The following KRT6C variants were observed in gnomAD, a reference collection of about 807,000 sequenced individuals.
KRT6C encodes the protein keratin, type II cytoskeletal 6C.
A neutral mutation model predicts 49.4 loss-of-function variants in KRT6C; 46 were observed. The observed-to-expected ratio is 0.93, with a 90% confidence interval of 0.74 to 1.19. KRT6C has a LOEUF of 1.19. Among genes scored for constraint, KRT6C ranks in the 50% most tolerant of loss-of-function variants. The pLI is 0.00. For synonymous variants in KRT6C, 236 were observed against 297.1 expected, an observed-to-expected ratio of 0.79 and a Z score of 2.12; for missense variants, 552 against 737.5, an observed-to-expected ratio of 0.75 and a Z score of 2.91.
At chr12:52,470,720 G>A (rs1592177004) in intron 5 of KRT6C, 90 bp from the exon 6 acceptor site, 1 of 1,611,742 alleles carries the variant, frequency 6.2e-7, no homozygotes, top group East Asian at 2.2e-5. Flanking sequence ...ATGTCATGAA[G>A]TGGACCTAAT....
At chr12:52,472,759 T>G (rs61914523) in intron 1 of KRT6C, among the ~76,000 whole-genome samples, 26,021 of 91,742 alleles carry the variant, frequency 0.28, 2,053 homozygotes, top group Middle Eastern at 0.36. Context: ...TTTATCCATG[T>G]TTTACAGTTG....
intron 8 of KRT6C, 38 bp downstream of exon 8, chr12:52,469,373 T>G: frequency 6.2e-7 from 1 of 1,613,624 alleles, no homozygotes; most frequent in Non-Finnish European, 8.5e-7. Flanking sequence ...GTCAGAAGAG[T>G]GCGAGGGCAG....
At chr12:52,469,923 G>C in intron 6 of KRT6C, 33 bp from the exon 7 acceptor site, 2 of 1,612,722 alleles carry the variant, frequency 1.2e-6, no homozygotes, top group Non-Finnish European at 8.5e-7. Flanking sequence ...GGAACTTCTT[G>C]TCTGCTCCTC....
intron 6 of KRT6C, 128 bp downstream of exon 6, chr12:52,470,377 A>G (rs1300045789): frequency 1.3e-6 from 2 of 1,542,916 alleles, no homozygotes; most frequent in East Asian, 4.5e-5. Flanking sequence ...ACTGAGGGCA[A>G]GAACTACACA....
Position 52,469,831 on chromosome 12 carries a change from C to T in KRT6C, c.1263G>A (p.Lys421=). ...DAEQRGEMAL[K]DAKNKLEGLE... is the part of the protein sequence containing the mutation. ...GCCCTTCCAGCTTGTTCTTAGCATC[C>T]TTGAGTGCCATCTCCCCACGCTGCT... Residue 421 remains lysine, a synonymous_variant, in exon 7 of 9, where the codon AAG becomes AAA. Coordinates refer to ENST00000252250, the MANE Select transcript of KRT6C (RefSeq NM_173086.5). 3 of 1,614,096 alleles carry T rather than the reference C, an allele frequency of 1.9e-6. No homozygotes were observed. Among genetic ancestry groups the T allele is most frequent in the East Asian group, 2.2e-5 (1 of 44,852 alleles).
rs1327884528 is a variant in KRT6C at position 52,471,297 on chromosome 12, C to T, written c.913-1G>A. ...TGTGGGTCTGCATCTGGGACAGCTC[C>T]TGCAGAACAGAAGGTCATAAGATCA... On this transcript the variant is annotated splice_acceptor_variant, in intron 4 of 8. Transcript: ENST00000252250. LOFTEE classifies it high-confidence loss of function. 2 of 1,614,192 alleles carry T rather than the reference C, an allele frequency of 1.2e-6. No individual in the cohort carries two copies. The highest frequency in any genetic ancestry group is 1.7e-6 in the Non-Finnish European group (2 of 1,180,024).
chr12:52,470,773 G>C lies in KRT6C; in HGVS notation c.1078-143C>G, dbSNP rs1373239782. On this transcript the variant is annotated intron_variant, in intron 5 of 8. Transcript: ENST00000252250. ...CTTGAGGAAAAGTTGATGTTATGTGGTGGGTGGATACTAAACTCTGGAGTC... is the reference window on the plus strand; with the variant it reads ...CTTGAGGAAAAGTTGATGTTATGTGCTGGGTGGATACTAAACTCTGGAGTC... 9 of 1,545,304 alleles carry C rather than the reference G, an allele frequency of 5.8e-6. No individual in the cohort carries two copies. The African/African-American group carries it at 1.1e-4, about 19-fold the overall frequency.
Position 52,471,241 on chromosome 12 carries a change from T to G in KRT6C, c.968A>C (p.Asp323Ala). ...GTCCAGGTCCAGGTTGCGGTTGTTG[T>G]CCATGGATAGCACCACGGATGTGTC... Reference protein sequence around the residue: ...ISDTSVVLSMDNNRNLDLDSI... With the variant: ...ISDTSVVLSMANNRNLDLDSI... Residue 323 changes from aspartate (D) to alanine (A), a missense_variant, in exon 5 of 9, where the codon GAC (aspartate) becomes GCC (alanine). Coordinates refer to ENST00000252250, the MANE Select transcript of KRT6C (RefSeq NM_173086.5). The G allele has an allele frequency of 6.2e-7, 1 of 1,614,178 alleles. No individual in the cohort carries two copies. The highest frequency in any genetic ancestry group is 8.5e-7 in the Non-Finnish European group (1 of 1,180,030).
chr12:52,470,626 T>C lies in KRT6C; in HGVS notation c.1082A>G (p.Glu361Gly), dbSNP rs1300798410. 1 of 1,613,990 alleles carries C rather than the reference T, an allele frequency of 6.2e-7. No homozygotes were observed. Among genetic ancestry groups the C allele is most frequent in the East Asian group, 2.2e-5 (1 of 44,842 alleles). Reference sequence around the variant, plus strand: ...TCTGCCTGCTGTGACCTGCAGCTCCTCGTACTGCAGCCCAGAGGTGGAGAG... The same window carrying C: ...TCTGCCTGCTGTGACCTGCAGCTCCCCGTACTGCAGCCCAGAGGTGGAGAG... ...EAESWYQTKYEELQVTAGRHG... is the reference protein window; with the variant it reads ...EAESWYQTKYGELQVTAGRHG... The change falls in exon 6 of 9, where the codon GAG becomes GGG. Residue 361 changes from glutamate to glycine, a missense_variant. Glu to Gly is a moderately conservative substitution (Grantham distance 98). Around this residue, in one of 3 missense-constraint regions of KRT6C, gnomAD observed 425 missense variants for 439.4 expected, o/e 0.97. Coordinates refer to ENST00000252250, the MANE Select transcript of KRT6C (RefSeq NM_173086.5).
At position 52,469,555 on chromosome 12, in the gene KRT6C, T is replaced by A. The variant is rs767267536; in HGVS notation, c.1425-110A>T. 870 of 1,612,236 alleles carry A rather than the reference T, an allele frequency of 5.4e-4. 2 individuals are homozygous for A. The highest frequency in any genetic ancestry group is 6.1e-4 in the Non-Finnish European group (723 of 1,178,720). On this transcript the variant is annotated intron_variant, in intron 7 of 8. Coordinates refer to ENST00000252250, the MANE Select transcript of KRT6C (RefSeq NM_173086.5). ...AGTCCATGGGAAACTGCTCTTTTAGTTTTCTCTCAAGAAGAGCAATTACGG... is the reference window on the plus strand; with the variant it reads ...AGTCCATGGGAAACTGCTCTTTTAGATTTCTCTCAAGAAGAGCAATTACGG...
chr12:52,468,637 C>T lies in KRT6C; in HGVS notation c.*425G>A, dbSNP rs531227920. On this transcript the variant is annotated 3_prime_UTR_variant, in exon 9 of 9. Transcript: ENST00000252250. Reference sequence around the variant, plus strand: ...TTGTGCTTCCATGCATACTGCGGGGCGGGGGTTCACAATACTTTTAACTTA... The same window carrying T: ...TTGTGCTTCCATGCATACTGCGGGGTGGGGGTTCACAATACTTTTAACTTA... The T allele has an allele frequency of 7.3e-5, 18 of 246,784 alleles. No individual in the cohort carries two copies. Among genetic ancestry groups the T allele is most frequent in the African/African-American group, 2.2e-4 (10 of 44,822 alleles). The allele number at this position is 246,784 out of a possible 1,614,324, so 15.3% of individuals were successfully genotyped here.
chr12:52,470,996 T>C, intron 5 of KRT6C, 136 bp downstream of exon 5: 1 of 1,463,990 alleles, frequency 6.8e-7, no homozygotes, highest in Admixed American at 1.7e-5. Context: ...AAATGTCTAC[T>C]CTAATAGTGC....
chr12:52,470,353 T>C (rs1355137328), intron 6 of KRT6C, 152 bp downstream of exon 6: 2 of 1,381,556 alleles, frequency 1.4e-6, no homozygotes, highest in Admixed American at 1.8e-5. Context: ...GATTCACTTC[T>C]CTATTGAGTT....
chr12:52,470,072 A>G (rs961074691), intron 6 of KRT6C, 182 bp from the exon 7 acceptor site: 16 of 763,912 alleles, frequency 2.1e-5, no homozygotes, highest in African/African-American at 1.2e-4. Flanking sequence ...ACAAAGTCCT[A>G]TGCCCCTTGT....
chr12:52,471,319 A>T, intron 4 of KRT6C, 23 bp from the exon 5 acceptor site: 1 of 1,614,196 alleles, frequency 6.2e-7, no homozygotes, highest in Non-Finnish European at 8.5e-7. Flanking sequence ...AGGTCATAAG[A>T]TCAACTTCAC....
chr12:52,472,386 C>T lies in KRT6C; in HGVS notation c.541-106G>A, dbSNP rs1346721458. The T allele has an allele frequency of 3.8e-6, 4 of 1,040,684 alleles. 2 individuals carry two copies. Among genetic ancestry groups the T allele is most frequent in the Non-Finnish European group, 5.7e-6 (4 of 700,306 alleles). 64.5% of individuals were successfully genotyped at this position (1,040,684 alleles called of 1,614,324 possible). ...TGGAGGTCCCCATGGTGCTGGGCTACTACAGTGCATGTGGAGAGGCTCAGG... is the reference window on the plus strand; with the variant it reads ...TGGAGGTCCCCATGGTGCTGGGCTATTACAGTGCATGTGGAGAGGCTCAGG... On this transcript the variant is annotated intron_variant, in intron 1 of 8. Transcript: ENST00000252250.
At position 52,470,504 on chromosome 12, in the gene KRT6C, C is replaced by T. The variant is rs1937856946; in HGVS notation, c.1203+1G>A. On this transcript the variant is annotated splice_donor_variant, in intron 6 of 8. Transcript: ENST00000252250. LOFTEE classifies it high-confidence loss of function. Reference sequence around the variant, plus strand: ...CTTTCCTCCACTGCACCTCACTGTACCTGCTTCTTGACATGGTCGATCTCA... The same window carrying T: ...CTTTCCTCCACTGCACCTCACTGTATCTGCTTCTTGACATGGTCGATCTCA... 3 of 1,614,164 alleles carry T rather than the reference C, an allele frequency of 1.9e-6. No individual in the cohort carries two copies. Among genetic ancestry groups the T allele is most frequent in the Non-Finnish European group, 2.5e-6 (3 of 1,180,032 alleles).
rs113853624 is a variant in KRT6C at position 52,472,485 on chromosome 12, T to C, written c.541-205A>G. Reference sequence around the variant, plus strand: ...ACTAGAGAAATTGTCCCATGGACCATTGAGGTGTTCTCACGCTGTAAGCTA... The same window carrying C: ...ACTAGAGAAATTGTCCCATGGACCACTGAGGTGTTCTCACGCTGTAAGCTA... On this transcript the variant is annotated intron_variant, in intron 1 of 8. Transcript: ENST00000252250. Among the ~76,000 whole-genome samples the C allele has an allele frequency of 3.7e-5, 5 of 135,324 alleles. 2 individuals are homozygous for C. Among genetic ancestry groups the C allele is most frequent in the East Asian group, 2.8e-4 (1 of 3,594 alleles). 88.8% of individuals were successfully genotyped at this position (135,324 alleles called of 152,430 possible).
Position 52,473,793 on chromosome 12 carries a change from G to T in KRT6C, c.-56C>A. 6.2e-7 allele frequency: 1 copy of T among 1,613,032 alleles called. No individual in the cohort carries two copies. Among genetic ancestry groups the T allele is most frequent in the Non-Finnish European group, 8.5e-7 (1 of 1,179,566 alleles). On this transcript the variant is annotated 5_prime_UTR_variant, in exon 1 of 9. It adds an upstream start codon to the 5' untranslated region. Coordinates refer to ENST00000252250, the MANE Select transcript of KRT6C (RefSeq NM_173086.5). The stretch of plus-strand genomic sequence containing the variant: ...CGTTGGAGGCTGGAGGCGAGAGGCA[G>T]GAGAAGCAGGACAAGGAATCGGGCT...
Sources: gnomAD v4.1 joint callset for allele counts (sites outside exome capture counted in the v4.1 genomes callset) on GRCh38, gnomAD v4.1.1 for gene constraint, gnomAD v4.1.1 regional missense constraint, MANE v1.5 for transcripts, NCBI Gene and HGNC (gene_info 2026-07-23, HGNC 2026-07-21) for gene names.